Variants in CLIC6 observed in about 807,000 individuals in gnomAD.
The protein encoded by CLIC6 is chloride intracellular channel protein 6.
Under a neutral mutation model 49.2 loss-of-function variants are expected in CLIC6, and 39 were observed. The observed-to-expected ratio is 0.79, with a 90% CI of 0.61 to 1.04. The LOEUF (loss-of-function observed/expected upper bound fraction) is 1.04. Among genes scored for constraint, CLIC6 ranks in the 50% least tolerant of loss-of-function variants. CLIC6 has a pLI of 0.00. For missense variants in CLIC6, 988 were observed against 993.1 expected (o/e 0.99, Z 0.07); for synonymous variants, 446 against 433.4 (o/e 1.03, Z -0.36).
intron 1 of CLIC6, among the ~76,000 whole-genome samples, chr21:34,688,020 G>A (rs2834579): frequency 0.2 from 31,108 of 152,130 alleles, 3,270 homozygotes; most frequent in South Asian, 0.23. Context: ...TATTGGTTGA[G>A]CATGCAAACA....
intron 1 of CLIC6, among the ~76,000 whole-genome samples, chr21:34,696,580 G>C (rs957458728): frequency 2.0e-5 from 3 of 152,162 alleles, no homozygotes; most frequent in Non-Finnish European, 2.9e-5. Flanking sequence ...CTGTGTCTTG[G>C]TTTTCTTAAA....
intron 1 of CLIC6, among the ~76,000 whole-genome samples, chr21:34,688,855 T>A (rs1240792138): frequency 6.6e-6 from 1 of 152,186 alleles, no homozygotes; most frequent in Non-Finnish European, 1.5e-5. Context: ...ATGGCCGCAA[T>A]GTCAAAATTT....
intron 1 of CLIC6, among the ~76,000 whole-genome samples, chr21:34,694,350 G>A (rs1990055783): frequency 6.6e-6 from 1 of 151,710 alleles, no homozygotes; most frequent in African/African-American, 2.4e-5. Context: ...CCAGGCTGAA[G>A]TGCGGTAGTA....
Position 34,669,874 on chromosome 21 carries a change from G to T in CLIC6, c.486G>T (p.Ala162=), listed in dbSNP as rs1247793669. 7.5e-7 allele frequency: 1 copy of T among 1,327,690 alleles called. No individual in the cohort carries two copies. Among genetic ancestry groups the T allele is most frequent in the Non-Finnish European group, 9.6e-7 (1 of 1,037,250 alleles). 82.2% of individuals were successfully genotyped at this position (1,327,690 alleles called of 1,614,324 possible). A position where few individuals can be genotyped will look rare whatever the true frequency, so the allele number is the denominator to read the frequency against. Reference sequence around the variant, plus strand: ...GGGAGGCGGGGGACAGCGTAGACGCGGAGGGCCCGCTGGGGGACAACATAG... The same window carrying T: ...GGGAGGCGGGGGACAGCGTAGACGCTGAGGGCCCGCTGGGGGACAACATAG... ...ASGEAGDSVD[A]EGPLGDNIEA... The change falls in exon 1 of 6, where the codon GCG becomes GCT. Residue 162 remains alanine (A), a synonymous_variant. Transcript: ENST00000349499.
At chr21:34,712,541 A>G (rs1253946127) in intron 5 of CLIC6, among the ~76,000 whole-genome samples, 2 of 152,168 alleles carry the variant, frequency 1.3e-5, no homozygotes, top group African/African-American at 4.8e-5. Flanking sequence ...ATGGGCCAGG[A>G]GGGAATCACA....
rs561888958 is a variant in CLIC6, at chr21:34,710,897, C to T, written c.1899+1359C>T. On this transcript the variant is annotated intron_variant, in intron 5 of 5. Coordinates refer to ENST00000349499, the MANE Select transcript of CLIC6 (RefSeq NM_053277.3). ...CGACCCACTGCCTGCGCTAGTAAATCGGAGCTTCCAAGAGTGACCCCTGGA... is the reference window on the plus strand; with the variant it reads ...CGACCCACTGCCTGCGCTAGTAAATTGGAGCTTCCAAGAGTGACCCCTGGA... 2.1e-3 allele frequency among the ~76,000 whole-genome samples: 324 copies of T among 152,294 alleles called. 2 individuals are homozygous for T. Among genetic ancestry groups the T allele is most frequent in the African/African-American group, 7.2e-3 (301 of 41,572 alleles).
At chr21:34,715,244 G>A (rs948562828) in intron 5 of CLIC6, among the ~76,000 whole-genome samples, 3 of 152,166 alleles carry the variant, frequency 2.0e-5, no homozygotes, top group Non-Finnish European at 2.9e-5. Context: ...TTCCTGTGTT[G>A]AGATCCTAAC....
chr21:34,691,092 G>T (rs1234438880), intron 1 of CLIC6, among the ~76,000 whole-genome samples: 2 of 152,130 alleles, frequency 1.3e-5, no homozygotes, highest in Admixed American at 1.3e-4. Flanking sequence ...AATGTCTGAG[G>T]TATCCTAAAG....
At chr21:34,682,725 G>T (rs575736241) in intron 1 of CLIC6, among the ~76,000 whole-genome samples, 5 of 151,272 alleles carry the variant, frequency 3.3e-5, no homozygotes, top group Admixed American at 1.3e-4. Flanking sequence ...CATCTTTAAA[G>T]GTTGCTTTAC....
intron 1 of CLIC6, 68 bp from the exon 2 acceptor site, chr21:34,707,212 C>A: frequency 8.8e-7 from 1 of 1,141,102 alleles, no homozygotes; most frequent in Non-Finnish European, 1.3e-6. Flanking sequence ...TTTGCATGTG[C>A]ATGTTGTGGT....
In CLIC6 at chr21:34,669,677, CA is replaced by C; in HGVS notation, c.291del (p.Gly98GlufsTer63). 1 of 1,353,188 alleles carries C rather than the reference CA, an allele frequency of 7.4e-7. No homozygotes were observed. Among genetic ancestry groups the C allele is most frequent in the South Asian group, 1.8e-5 (1 of 55,180 alleles). 83.8% of individuals were successfully genotyped at this position (1,353,188 alleles called of 1,614,324 possible). A position where few individuals can be genotyped will look rare whatever the true frequency, so the allele number is the denominator to read the frequency against. ...EGAPEGAEVPQGGEETSGAQQ... is the reference protein window; with the variant it reads ...EGAPEGAEVPXGGEETSGAQQ... The stretch of plus-strand genomic sequence containing the variant: ...AGCCCCGGAGGGTGCCGAGGTGCCC[CA>C]AGGAGGGGAGGAGACAAGCGGCGCG... On this transcript the variant is annotated frameshift_variant, in exon 1 of 6. Transcript: ENST00000349499. LOFTEE classifies it high-confidence loss of function.
intron 1 of CLIC6, among the ~76,000 whole-genome samples, chr21:34,671,313 A>C (rs1989563971): frequency 6.6e-6 from 1 of 152,126 alleles, no homozygotes. Context: ...AACTCCAAAA[A>C]GGTATTCCAT....
chr21:34,689,617 A>G (rs1989951504), intron 1 of CLIC6, among the ~76,000 whole-genome samples: 1 of 150,710 alleles, frequency 6.6e-6, no homozygotes, highest in South Asian at 2.1e-4. Flanking sequence ...TTTCCTGAGA[A>G]TCTTCTGGGG....
At chr21:34,696,609 C>T (rs1990093432) in intron 1 of CLIC6, among the ~76,000 whole-genome samples, 1 of 152,210 alleles carries the variant, frequency 6.6e-6, no homozygotes. Flanking sequence ...GTAGTAGTAC[C>T]TACACCTGAT....
chr21:34,686,192 A>G (rs113817451), intron 1 of CLIC6, among the ~76,000 whole-genome samples: 3,775 of 152,294 alleles, frequency 0.025, 158 homozygotes, highest in African/African-American at 0.086. Context: ...TCACGAGGTC[A>G]GGAGTTCAAG....
At position 34,670,407 on chromosome 21, in the gene CLIC6, A is replaced by G; in HGVS notation, c.1019A>G (p.Lys340Arg). ...GAGGAGGCGGAGGTCCCGGGGGTAA[A>G]GGGGTCCGAAGAAGCGGCCCCCGGG... ...AAEEAEVPGV[K>R]GSEEAAPGDA... Residue 340 changes from lysine (K) to arginine (R), a missense_variant, in exon 1 of 6, where the codon AAG becomes AGG. Physicochemically the swap from Lys to Arg is conservative, Grantham distance 26. Coordinates refer to ENST00000349499, the MANE Select transcript of CLIC6 (RefSeq NM_053277.3). The G allele has an allele frequency of 6.8e-7, 1 of 1,459,958 alleles. No homozygotes were observed. Among genetic ancestry groups the G allele is most frequent in the Non-Finnish European group, 9.0e-7 (1 of 1,106,830 alleles). The allele number at this position is 1,459,958 out of a possible 1,614,324, so 90.4% of individuals were successfully genotyped here.
At chr21:34,691,378 A>G (rs550040793) in intron 1 of CLIC6, among the ~76,000 whole-genome samples, 1 of 152,260 alleles carries the variant, frequency 6.6e-6, no homozygotes, top group East Asian at 1.9e-4. Flanking sequence ...CTTCTCTTGA[A>G]GCTTAAAGCC....
intron 1 of CLIC6, chr21:34,706,203 G>A (rs2056013452): frequency 7.8e-6 from 4 of 513,948 alleles, no homozygotes; most frequent in Non-Finnish European, 1.0e-5. Flanking sequence ...TCGTGGAGGA[G>A]GGCAAAGGGG....
intron 1 of CLIC6, among the ~76,000 whole-genome samples, chr21:34,706,631 C>T (rs1432252285): frequency 6.6e-6 from 1 of 152,130 alleles, no homozygotes; most frequent in Non-Finnish European, 1.5e-5. Context: ...TGTTGACTTC[C>T]ACCATCATAG....
Sources: allele counts gnomAD v4.1 joint callset (sites outside exome capture counted in the v4.1 genomes callset), GRCh38; gene constraint gnomAD v4.1.1; transcripts MANE v1.5; gene names NCBI Gene and HGNC (gene_info 2026-07-23, HGNC 2026-07-21).